NFATC2: variants seen among roughly 807,000 people sequenced by gnomAD.
The protein encoded by NFATC2 is nuclear factor of activated T-cells, cytoplasmic 2.
In NFATC2, 22 loss-of-function variants were observed where a neutral mutation model predicts 87.3. The ratio of observed to expected loss-of-function variants is 0.25; its 90% CI spans 0.18 to 0.36. NFATC2 has a LOEUF of 0.36. NFATC2 is among the 10% of genes least tolerant of loss of function. The pLI, the probability that NFATC2 is intolerant of heterozygous loss-of-function variation, is 1.00. For synonymous variants in NFATC2, 565 were observed against 542.2 expected (o/e 1.04, Z -0.58); for missense variants, 1,149 against 1,259.1 (o/e 0.91, Z 1.32).
chr20:51,464,734 T>TCTCCTC, intron 5 of NFATC2, among the ~76,000 whole-genome samples: 1 of 152,258 alleles, frequency 6.6e-6, no homozygotes, highest in Non-Finnish European at 1.5e-5. Context: ...TGGTCTCTGA[T>TCTCCTC]TTATAATGAG....
rs753439450 is a variant in NFATC2 at position 51,435,231 on chromosome 20, C to G, written c.1989G>C (p.Gly663=). 1 of 1,614,136 alleles carries G rather than the reference C, an allele frequency of 6.2e-7. No individual in the cohort carries two copies. Among genetic ancestry groups the G allele is most frequent in the South Asian group, 1.1e-5 (1 of 91,070 alleles). ...PVKVNFYVIN[G]KRKRSQPQHF... is the part of the protein sequence containing the mutation. ...GCTGAGGCTGACTTCGTTTTCTCTT[C>G]CCATTGATGACGTAGAAGTTCACTT... Residue 663 remains glycine, a synonymous_variant, in exon 8 of 11, where the codon GGG becomes GGC. Coordinates refer to ENST00000371564, the MANE Select transcript of NFATC2 (RefSeq NM_012340.5).
At chr20:51,419,415 G>T (rs1980546058) in intron 9 of NFATC2, among the ~76,000 whole-genome samples, 1 of 152,238 alleles carries the variant, frequency 6.6e-6, no homozygotes, top group African/African-American at 2.4e-5. Flanking sequence ...TAAAGGAAAG[G>T]GCGTGCCCTC....
Position 51,390,795 on chromosome 20 carries a change from G to A in NFATC2, c.*701C>T, listed in dbSNP as rs1239870699. 1 of 165,590 alleles carries A rather than the reference G, an allele frequency of 6.0e-6. No individual in the cohort carries two copies. Among genetic ancestry groups the A allele is most frequent in the African/African-American group, 2.4e-5 (1 of 41,760 alleles). 10.3% of individuals were successfully genotyped at this position (165,590 alleles called of 1,614,324 possible). A position where few individuals can be genotyped will look rare whatever the true frequency, so the allele number is the denominator to read the frequency against. ...GCAAGACAGTTTGGTTTTGGAATGA[G>A]AATTCAAAAATAAAGCTTTAGCTGT... On this transcript the variant is annotated 3_prime_UTR_variant, in exon 11 of 11. Transcript: ENST00000371564.
At chr20:51,541,348 T>C (rs1389107468) in intron 1 of NFATC2, among the ~76,000 whole-genome samples, 3 of 152,086 alleles carry the variant, frequency 2.0e-5, no homozygotes, top group African/African-American at 7.2e-5. Flanking sequence ...TGGGCTGGGC[T>C]GTCAAAATCA....
At chr20:51,487,378 C>T (rs1989801190) in intron 3 of NFATC2, among the ~76,000 whole-genome samples, 1 of 152,222 alleles carries the variant, frequency 6.6e-6, no homozygotes, top group South Asian at 2.1e-4. Context: ...AGAGCTAATG[C>T]ATGCAGGGCT....
At chr20:51,552,193 C>A (rs930653563) in intron 1 of NFATC2, among the ~76,000 whole-genome samples, 1 of 152,176 alleles carries the variant, frequency 6.6e-6, no homozygotes, top group Non-Finnish European at 1.5e-5. Flanking sequence ...AGGAGGATGG[C>A]TTGAGCCCAG....
upstream of NFATC2, among the ~76,000 whole-genome samples, chr20:51,544,199 G>A (rs1412663658): frequency 6.6e-6 from 1 of 151,812 alleles, no homozygotes; most frequent in Non-Finnish European, 1.5e-5. Flanking sequence ...GTGTTAGCCA[G>A]GAAGGTCTTG....
At position 51,399,067 on chromosome 20, in the gene NFATC2, G is replaced by A. The variant is rs148317268; in HGVS notation, c.2723-337C>T. 54 of 219,050 alleles carry A rather than the reference G, an allele frequency of 2.5e-4. 1 individual carries two copies. Among genetic ancestry groups the A allele is most frequent in the African/African-American group, 1.1e-3 (50 of 44,332 alleles). 13.6% of individuals were successfully genotyped at this position (219,050 alleles called of 1,614,324 possible). ...CAACTACAAAGAGAAAATTAAGCTG[G>A]TTTCTGCTGCAGTCAAAGGAAAATC... On this transcript the variant is annotated intron_variant, in intron 9 of 10. Transcript: ENST00000371564.
chr20:51,393,408 T>C (rs1256572012), intron 10 of NFATC2, among the ~76,000 whole-genome samples: 1 of 151,742 alleles, frequency 6.6e-6, no homozygotes, highest in Non-Finnish European at 1.5e-5. Context: ...TAGACCAGTA[T>C]ATATGTATTA....
intron 1 of NFATC2, among the ~76,000 whole-genome samples, chr20:51,559,223 T>C (rs975020824): frequency 6.6e-6 from 1 of 152,248 alleles, no homozygotes; most frequent in African/African-American, 2.4e-5. Flanking sequence ...GGAAGCCTTA[T>C]GCTTTCATTT....
chr20:51,454,471 A>G (rs1010127476), intron 6 of NFATC2, 77 bp downstream of exon 6: 1 of 1,548,318 alleles, frequency 6.5e-7, no homozygotes, highest in African/African-American at 1.4e-5. Flanking sequence ...CCCCAAAACC[A>G]AAGTTGTATA....
At chr20:51,471,588 TAG>T (rs1280105930) in intron 5 of NFATC2, among the ~76,000 whole-genome samples, 3 of 152,204 alleles carry the variant, frequency 2.0e-5, no homozygotes, top group Non-Finnish European at 4.4e-5. Flanking sequence ...TGAAAGAAAT[TAG>T]AGTGACTCTT....
chr20:51,550,385 G>T (rs1448124834), intron 1 of NFATC2, among the ~76,000 whole-genome samples: 3 of 152,138 alleles, frequency 2.0e-5, no homozygotes, highest in Non-Finnish European at 4.4e-5. Flanking sequence ...AAGGTCAGGA[G>T]TTCGAGACCA....
intron 1 of NFATC2, among the ~76,000 whole-genome samples, chr20:51,548,060 T>TTTACCAAATACAATTAAATACAAA: frequency 6.6e-6 from 1 of 152,298 alleles, no homozygotes; most frequent in East Asian, 1.9e-4. Context: ...GCCCTTGGTC[T>TTTACCAAATACAATTAAATACAAA]GCAAGGCCCT....
intron 3 of NFATC2, among the ~76,000 whole-genome samples, chr20:51,515,135 C>T (rs1436844073): frequency 6.6e-6 from 1 of 152,164 alleles, no homozygotes; most frequent in Non-Finnish European, 1.5e-5. Context: ...CTGCTGGAAT[C>T]GGTGGCATCA....
Position 51,562,546 on chromosome 20 carries a change from CGA to C in NFATC2, c.70+12_70+13del, listed in dbSNP as rs1430366317. The C allele has an allele frequency of 5.8e-6, 9 of 1,548,770 alleles. No individual in the cohort carries two copies. The South Asian group carries it at 9.5e-5, about 16-fold the overall frequency. ...GCGAGCGGAAAAGGCTGGAAGGGATCGAGAGTCAGTTACCTTGGTCCACAGAC... is the reference window on the plus strand; with the variant it reads ...GCGAGCGGAAAAGGCTGGAAGGGATCGAGTCAGTTACCTTGGTCCACAGAC... On this transcript the variant is annotated intron_variant, in intron 1 of 10. Coordinates refer to the NFATC2 transcript ENST00000414705. This position sits in a 1 kb window ranked among gnomAD's most constrained non-coding sequence, Gnocchi z 5.8.
chr20:51,512,969 G>GT (rs894528391), intron 3 of NFATC2, among the ~76,000 whole-genome samples: 12 of 152,136 alleles, frequency 7.9e-5, no homozygotes, highest in Non-Finnish European at 1.8e-4. Flanking sequence ...CCCTTGAAGG[G>GT]TAAGAGCAGC....
chr20:51,521,518 G>C (rs540998766), intron 2 of NFATC2, among the ~76,000 whole-genome samples: 1 of 152,110 alleles, frequency 6.6e-6, no homozygotes, highest in African/African-American at 2.4e-5. Context: ...ATGGGGTTTC[G>C]CCATGTTGGC....
chr20:51,467,730 A>C (rs932258712), intron 5 of NFATC2, among the ~76,000 whole-genome samples: 107 of 152,342 alleles, frequency 7.0e-4, no homozygotes, highest in African/African-American at 2.5e-3. Context: ...GAGTAACTGG[A>C]ACTCTCATAC....
Sources: allele counts gnomAD v4.1 joint callset (sites outside exome capture counted in the v4.1 genomes callset), GRCh38; gene constraint gnomAD v4.1.1; non-coding constraint Gnocchi (gnomAD v3.1); transcripts MANE v1.5; gene names NCBI Gene and HGNC (gene_info 2026-07-23, HGNC 2026-07-21).